The following KHDRBS2 variants were observed in gnomAD, a reference collection of about 807,000 sequenced individuals.
KHDRBS2 encodes the protein KH domain-containing, RNA-binding, signal transduction-associated protein 2.
A neutral mutation model predicts 44.3 loss-of-function variants in KHDRBS2; 26 were observed. That is an observed-to-expected ratio of 0.59 (90% confidence interval 0.43 to 0.81). The LOEUF (loss-of-function observed/expected upper bound fraction) is 0.81. Ranked by LOEUF, KHDRBS2 falls within the 40% of genes least tolerant of loss-of-function variation. The pLI, the probability that KHDRBS2 is intolerant of heterozygous loss-of-function variation, is 0.00. For synonymous variants in KHDRBS2, 194 were observed against 151.1 expected (o/e 1.28, Z -2.08); for missense variants, 476 against 433.1 (o/e 1.10, Z -0.88).
At chr6:62,135,155 G>A (rs552291044) in intron 2 of KHDRBS2, among the ~76,000 whole-genome samples, 2 of 152,272 alleles carry the variant, frequency 1.3e-5, no homozygotes, top group Non-Finnish European at 2.9e-5. Flanking sequence ...CCTGTTGTGG[G>A]AGGGACCCAG....
chr6:61,665,614 A>G, the KHDRBS2 span, among the ~76,000 whole-genome samples: 1 of 151,368 alleles, frequency 6.6e-6, no homozygotes, highest in African/African-American at 2.4e-5. Flanking sequence ...TACATAAATA[A>G]TGTTCTATTA....
chr6:61,736,754 T>A (rs181000290), intron 6 of KHDRBS2, among the ~76,000 whole-genome samples: 66 of 152,146 alleles, frequency 4.3e-4, no homozygotes, highest in African/African-American at 1.5e-3. Context: ...TTCCTCAAGG[T>A]CATTTTACAT....
intron 1 of KHDRBS2, among the ~76,000 whole-genome samples, chr6:62,179,754 C>T (rs1010965889): frequency 1.3e-5 from 2 of 151,776 alleles, no homozygotes; most frequent in African/African-American, 4.8e-5. Flanking sequence ...GCAATTTGAT[C>T]AGGCCAGGAT....
chr6:62,023,176 A>T (rs752836807), intron 3 of KHDRBS2, among the ~76,000 whole-genome samples: 4 of 151,772 alleles, frequency 2.6e-5, no homozygotes, highest in Non-Finnish European at 5.9e-5. Flanking sequence ...ACTAATCCAT[A>T]TGTAAGAATG....
At chr6:62,042,503 A>G (rs1786747159) in intron 3 of KHDRBS2, among the ~76,000 whole-genome samples, 1 of 152,092 alleles carries the variant, frequency 6.6e-6, no homozygotes, top group Non-Finnish European at 1.5e-5. Flanking sequence ...AAGATATTAA[A>G]GAGTTGAAAC....
intron 2 of KHDRBS2, among the ~76,000 whole-genome samples, chr6:62,147,211 T>C (rs1814134075): frequency 6.6e-6 from 1 of 151,856 alleles, no homozygotes; most frequent in Non-Finnish European, 1.5e-5. Context: ...CTCAATTTTC[T>C]AGGATGATCA....
chr6:61,755,134 C>T (rs1778291013), intron 6 of KHDRBS2, among the ~76,000 whole-genome samples: 1 of 152,008 alleles, frequency 6.6e-6, no homozygotes, highest in African/African-American at 2.4e-5. Flanking sequence ...ATCCTCCATG[C>T]AGGATATTAT....
At chr6:61,898,421 T>C (rs1583401322) in intron 5 of KHDRBS2, among the ~76,000 whole-genome samples, 1 of 151,986 alleles carries the variant, frequency 6.6e-6, no homozygotes, top group African/African-American at 2.4e-5. Flanking sequence ...TAAGTGATTA[T>C]TGTATTAATT....
chr6:61,666,628 T>G, the KHDRBS2 span, among the ~76,000 whole-genome samples: 1 of 151,444 alleles, frequency 6.6e-6, no homozygotes, highest in Non-Finnish European at 1.5e-5. Flanking sequence ...TTCAGAAACT[T>G]GTGTCGAATT....
intron 2 of KHDRBS2, among the ~76,000 whole-genome samples, chr6:62,073,665 CCTT>C (rs1281091283): frequency 6.7e-6 from 1 of 149,926 alleles, no homozygotes; most frequent in Non-Finnish European, 1.5e-5. Context: ...GTGAGAACTT[CCTT>C]CTTTTTAATA....
intron 1 of KHDRBS2, among the ~76,000 whole-genome samples, chr6:62,201,174 T>A (rs1201155324): frequency 6.6e-6 from 1 of 152,068 alleles, no homozygotes; most frequent in Non-Finnish European, 1.5e-5. Context: ...ACATGGTACA[T>A]GTATACATAT....
intron 7 of KHDRBS2, among the ~76,000 whole-genome samples, chr6:61,710,956 T>C (rs377759735): frequency 1.0e-3 from 155 of 149,354 alleles, no homozygotes; most frequent in African/African-American, 3.7e-3. Context: ...CTCAGAAATC[T>C]GGAGTTTCAT....
chr6:61,884,508 T>A (rs1291988382), intron 6 of KHDRBS2, among the ~76,000 whole-genome samples: 1 of 152,054 alleles, frequency 6.6e-6, no homozygotes, highest in Non-Finnish European at 1.5e-5. Context: ...CTACCTGAAG[T>A]GTCTTTGTTT....
chr6:62,212,714 A>T (rs1829281334), intron 1 of KHDRBS2, among the ~76,000 whole-genome samples: 1 of 152,220 alleles, frequency 6.6e-6, no homozygotes, highest in Non-Finnish European at 1.5e-5. Context: ...AGAGGCACAG[A>T]GCAACAGATT....
At chr6:61,596,124 G>A in the KHDRBS2 span, among the ~76,000 whole-genome samples, 1 of 152,128 alleles carries the variant, frequency 6.6e-6, no homozygotes, top group South Asian at 2.1e-4. Context: ...CACCTGTCCA[G>A]ATCTGAGAAT....
At chr6:61,555,846 C>A in the KHDRBS2 span, among the ~76,000 whole-genome samples, 1 of 152,140 alleles carries the variant, frequency 6.6e-6, no homozygotes, top group Admixed American at 6.5e-5. Context: ...TGTTATCTGG[C>A]CCCCAGCTTT....
In KHDRBS2 at chr6:62,139,379, C is replaced by T. The variant is rs542806691; in HGVS notation, c.219+37806G>A. Among the ~76,000 whole-genome samples the T allele has an allele frequency of 5.5e-4, 83 of 151,958 alleles. 1 individual carries two copies. The highest frequency in any genetic ancestry group is 1.5e-3 in the African/African-American group (63 of 41,442). On this transcript the variant is annotated intron_variant, in intron 2 of 8. Transcript: ENST00000281156. ...CATCCTGGCTAACACAGTGCAACCC[C>T]GTCTCTACTAAAAATACAAAAAAAT...
the KHDRBS2 span, among the ~76,000 whole-genome samples, chr6:61,631,200 T>G: frequency 6.6e-6 from 1 of 150,802 alleles, no homozygotes; most frequent in East Asian, 2.0e-4. Context: ...TTATGAGCAC[T>G]GCTTACATGC....
the KHDRBS2 span, among the ~76,000 whole-genome samples, chr6:61,551,031 C>T: frequency 6.6e-6 from 1 of 152,082 alleles, no homozygotes; most frequent in African/African-American, 2.4e-5. Context: ...ATTGCGGCTC[C>T]CCAGGTTGCT....
Sources: gnomAD v4.1 joint callset for allele counts (sites outside exome capture counted in the v4.1 genomes callset) on GRCh38, gnomAD v4.1.1 for gene constraint, MANE v1.5 for transcripts, NCBI Gene and HGNC (gene_info 2026-07-23, HGNC 2026-07-21) for gene names.